The following MLPH variants were observed in gnomAD, a reference collection of about 807,000 sequenced individuals.
MLPH encodes the protein exophilin-3.
A neutral mutation model predicts 72.1 loss-of-function variants in MLPH; 51 were observed. The observed-to-expected ratio is 0.71, with a 90% CI of 0.56 to 0.89. The LOEUF (loss-of-function observed/expected upper bound fraction) is 0.89. Ranked by LOEUF, MLPH falls within the 40% of genes least tolerant of loss-of-function variation. MLPH has a pLI of 0.00. For synonymous variants in MLPH, 301 were observed against 310.1 expected (o/e 0.97, Z 0.31); for missense variants, 743 against 759.9 (o/e 0.98, Z 0.26).
At chr2:237,527,740 A>G (rs957436700) in intron 8 of MLPH, 2 of 609,418 alleles carry the variant, frequency 3.3e-6, no homozygotes, top group Non-Finnish European at 5.6e-6. Flanking sequence ...AAAAATTAAA[A>G]ATCGAGTTTC....
chr2:237,550,285 G>T (rs939762406), intron 14 of MLPH, among the ~76,000 whole-genome samples: 1 of 152,144 alleles, frequency 6.6e-6, no homozygotes, highest in Non-Finnish European at 1.5e-5. Flanking sequence ...CTCACTCCTT[G>T]ATCAGTCAGC....
At chr2:237,549,705 C>G (rs1574917095) in intron 14 of MLPH, among the ~76,000 whole-genome samples, 1 of 152,162 alleles carries the variant, frequency 6.6e-6, no homozygotes, top group Non-Finnish European at 1.5e-5. Flanking sequence ...CTTGGGGTAT[C>G]TGTGTGCTCA....
intron 2 of MLPH, among the ~76,000 whole-genome samples, chr2:237,507,724 C>G (rs775425048): frequency 6.6e-6 from 1 of 152,206 alleles, no homozygotes; most frequent in Non-Finnish European, 1.5e-5. Context: ...CAGAATTCTA[C>G]TTTGTGCTTG....
intron 12 of MLPH, among the ~76,000 whole-genome samples, chr2:237,543,160 A>T (rs367989598): frequency 2.5e-4 from 1 of 3,992 alleles, no homozygotes; most frequent in Admixed American, 4.5e-3. Flanking sequence ...ACAGTGGTGA[A>T]TGGGGGACAG....
chr2:237,545,384 A>G (rs994691345), intron 12 of MLPH: 19 of 1,191,686 alleles, frequency 1.6e-5, no homozygotes, highest in Non-Finnish European at 2.1e-5. Flanking sequence ...GAGTTTCCTC[A>G]TAGCCAGTTA....
At chr2:237,538,418 T>C (rs2080585935) in intron 9 of MLPH, among the ~76,000 whole-genome samples, 1 of 152,130 alleles carries the variant, frequency 6.6e-6, no homozygotes, top group Non-Finnish European at 1.5e-5. Flanking sequence ...CCTGAGGGGT[T>C]ACAGGGGTGA....
rs186749575 is a variant in MLPH, at chr2:237,522,652, G to A, written c.675+2623G>A. 9.7e-4 allele frequency among the ~76,000 whole-genome samples: 148 copies of A among 151,810 alleles called. 1 individual carries two copies. Among genetic ancestry groups the A allele is most frequent in the African/African-American group, 3.3e-3 (134 of 41,148 alleles). On this transcript the variant is annotated intron_variant, in intron 6 of 15. Coordinates refer to ENST00000264605, the MANE Select transcript of MLPH (RefSeq NM_024101.7). ...CCTTCAAACACCTGCTGCAACTATA[G>A]TGCTGGAGCGGAGCAGGGCTGAGAC...
intron 6 of MLPH, among the ~76,000 whole-genome samples, chr2:237,523,848 A>T (rs1020121556): frequency 4.6e-5 from 7 of 152,186 alleles, no homozygotes; most frequent in African/African-American, 1.4e-4. Flanking sequence ...GTAAAGCAAG[A>T]TTAGTAAGAT....
At chr2:237,530,090 G>A (rs1049228705) in intron 8 of MLPH, among the ~76,000 whole-genome samples, 7 of 152,246 alleles carry the variant, frequency 4.6e-5, no homozygotes, top group African/African-American at 1.4e-4. Context: ...TGGCCTTTCG[G>A]TGCACAGGAC....
chr2:237,551,625 T>C (rs969308458), intron 14 of MLPH, among the ~76,000 whole-genome samples: 3 of 152,020 alleles, frequency 2.0e-5, no homozygotes, highest in Non-Finnish European at 4.4e-5. Context: ...CCCCAGGAGG[T>C]GCCCTCTGCT....
chr2:237,544,382 T>G (rs1574907290), intron 12 of MLPH, among the ~76,000 whole-genome samples: 1 of 11,986 alleles, frequency 8.3e-5, no homozygotes, highest in Non-Finnish European at 1.3e-4. Context: ...CCGTGGTGAG[T>G]GGGGGCACAG....
chr2:237,534,536 GC>G, intron 8 of MLPH, 27 bp from the exon 9 acceptor site: 1 of 1,598,016 alleles, frequency 6.3e-7, no homozygotes, highest in Non-Finnish European at 8.6e-7. Context: ...TGGGTCCTCT[GC>G]CCACTGTTTC....
In MLPH at chr2:237,525,684, G is replaced by C; in HGVS notation, c.759G>C (p.Gly253=). The C allele has an allele frequency of 6.2e-7, 1 of 1,614,180 alleles. No homozygotes were observed. Among genetic ancestry groups the C allele is most frequent in the Non-Finnish European group, 8.5e-7 (1 of 1,180,040 alleles). ...AGGAGGCTGATACTGGGGCCTCTGGGTGCCACTCCCATCCGGAAGAGCAGC... is the reference window on the plus strand; with the variant it reads ...AGGAGGCTGATACTGGGGCCTCTGGCTGCCACTCCCATCCGGAAGAGCAGC... ...GLEEADTGAS[G]CHSHPEEQPT... is the part of the protein sequence containing the mutation. The change falls in exon 7 of 16, where the codon GGG becomes GGC. Residue 253 remains glycine, a synonymous_variant. Transcript: ENST00000264605.
intron 1 of MLPH, among the ~76,000 whole-genome samples, chr2:237,490,728 C>T (rs1413858502): frequency 1.3e-5 from 2 of 152,040 alleles, no homozygotes; most frequent in Non-Finnish European, 2.9e-5. Context: ...TCCAGTCATG[C>T]ATCAAATAAT....
At chr2:237,529,966 G>A (rs1017878865) in intron 8 of MLPH, among the ~76,000 whole-genome samples, 37 of 152,230 alleles carry the variant, frequency 2.4e-4, no homozygotes, top group African/African-American at 8.4e-4. Flanking sequence ...TGTCAGGAAA[G>A]GCCTGGAAGC....
At chr2:237,499,530 A>G (rs1385616579) in intron 2 of MLPH, among the ~76,000 whole-genome samples, 2 of 152,168 alleles carry the variant, frequency 1.3e-5, no homozygotes, top group East Asian at 3.9e-4. Flanking sequence ...TAAGGAGAGA[A>G]TCAGACAAGG....
chr2:237,488,753 T>G (rs2079370852), intron 1 of MLPH, among the ~76,000 whole-genome samples: 1 of 152,150 alleles, frequency 6.6e-6, no homozygotes, highest in Non-Finnish European at 1.5e-5. Context: ...CAGCTGAATG[T>G]GTGCCCAGTG....
At position 237,554,860 on chromosome 2, in the gene MLPH, G is replaced by C. The variant is rs2081098965; in HGVS notation, c.*1268G>C. On this transcript the variant is annotated 3_prime_UTR_variant, in exon 16 of 16. Coordinates refer to ENST00000264605, the MANE Select transcript of MLPH (RefSeq NM_024101.7). Reference sequence around the variant, plus strand: ...GGAGGCTGATACTCCTGCAACTTCAGGAGACCTGTGAGCACACATTAGCAG... The same window carrying C: ...GGAGGCTGATACTCCTGCAACTTCACGAGACCTGTGAGCACACATTAGCAG... 6.6e-6 allele frequency: 1 copy of C among 152,206 alleles called. No homozygotes were observed. The highest frequency in any genetic ancestry group is 1.5e-5 in the Non-Finnish European group (1 of 68,038). 9.4% of individuals were successfully genotyped at this position (152,206 alleles called of 1,614,324 possible).
chr2:237,494,353 G>A (rs1258529725), intron 2 of MLPH, among the ~76,000 whole-genome samples: 6 of 152,092 alleles, frequency 3.9e-5, no homozygotes, highest in African/African-American at 1.2e-4. Context: ...CGAGGCTGGA[G>A]TGGAGTAAAT....
Sources: allele counts gnomAD v4.1 joint callset (sites outside exome capture counted in the v4.1 genomes callset), GRCh38; gene constraint gnomAD v4.1.1; transcripts MANE v1.5; gene names NCBI Gene and HGNC (gene_info 2026-07-23, HGNC 2026-07-21).